The following FBF1 variants were observed in gnomAD, a reference collection of about 807,000 sequenced individuals.
The protein encoded by FBF1 is Fas binding factor 1.
Under a neutral mutation model 147.2 loss-of-function variants are expected in FBF1, and 119 were observed. That is an observed-to-expected ratio of 0.81 (90% CI 0.70 to 0.94). The LOEUF is 0.94. FBF1 is among the 40% of genes least tolerant of loss of function. FBF1 has a pLI of 0.00. For missense variants in FBF1, 1,449 were observed against 1,500.8 expected, an observed-to-expected ratio of 0.97 and a Z score of 0.57; for synonymous variants, 601 against 609.0, an observed-to-expected ratio of 0.99 and a Z score of 0.19.
At position 75,937,572 on chromosome 17, in the gene FBF1, A is replaced by G. The variant is rs772342687; in HGVS notation, c.25T>C (p.Cys9Arg). The change falls in exon 3 of 30, where the codon TGT (cysteine) becomes CGT (arginine). Residue 9 changes from cysteine to arginine, a missense_variant. Cys to Arg is a radical substitution (Grantham distance 180). Transcript: ENST00000636174. MAPKTKKG[C>R]KGSIDDFLGD... ...GTTCCATCTCTCCACTCACCTTTACATCCTTTCTTGGTTTTTGGTGCCTAA... is the reference window on the plus strand; with the variant it reads ...GTTCCATCTCTCCACTCACCTTTACGTCCTTTCTTGGTTTTTGGTGCCTAA... 2 of 1,613,978 alleles carry G rather than the reference A, an allele frequency of 1.2e-6. No individual in the cohort carries two copies. The highest frequency in any genetic ancestry group is 3.3e-5 in the Admixed American group (2 of 60,012).
chr17:75,927,978 T>C (rs1011905813), intron 8 of FBF1, 98 bp downstream of exon 8: 3 of 969,216 alleles, frequency 3.1e-6, no homozygotes, highest in Admixed American at 2.5e-5. Flanking sequence ...CCCAAGGACA[T>C]GAACGCTTCC....
In FBF1 at chr17:75,933,011, A is replaced by G; in HGVS notation, c.151T>C (p.Ser51Pro). 1 of 1,600,936 alleles carries G rather than the reference A, an allele frequency of 6.2e-7. No homozygotes were observed. The highest frequency in any genetic ancestry group is 8.5e-7 in the Non-Finnish European group (1 of 1,169,666). The part of the protein sequence containing the change: ...TTGVSQMFPS[S>P]KARTKSLLGD... ...TGCCCTTACTTTGTTCTCGCCTTTG[A>G]AGAAGGGAACATCTGAGATACACCT... Residue 51 changes from serine (S) to proline (P), a missense_variant, in exon 5 of 30, where the codon TCA (serine) becomes CCA (proline). Coordinates refer to ENST00000636174, the MANE Select transcript of FBF1 (RefSeq NM_001319193.2).
intron 10 of FBF1, 33 bp downstream of exon 10, chr17:75,926,712 AATAAACTCTTCCT>A: frequency 6.3e-7 from 1 of 1,580,786 alleles, no homozygotes; most frequent in Non-Finnish European, 8.6e-7. Context: ...GCTTGTTGCC[AATAAACTCTTCCT>A]CCAGGATGGG....
rs950954343 is a variant in FBF1, at chr17:75,931,304, C to T, written c.168-15G>A. 9.5e-6 allele frequency: 15 copies of T among 1,575,234 alleles called. No individual in the cohort carries two copies. Among genetic ancestry groups the T allele is most frequent in the African/African-American group, 1.4e-5 (1 of 74,030 alleles). On this transcript the variant is annotated splice_polypyrimidine_tract_variant and intron_variant, in intron 5 of 29. Coordinates refer to ENST00000636174, the MANE Select transcript of FBF1 (RefSeq NM_001319193.2). ...CCAGGAGGGACCTGCAAAGGGGAGG[C>T]GTCAGCCCCTACCTGCATCCCAGGG...
rs1302425858 is a variant in FBF1, at chr17:75,910,329, C to T, written c.*394G>A. On this transcript the variant is annotated 3_prime_UTR_variant, in exon 30 of 30. Transcript: ENST00000636174. This position sits in a 1 kb window ranked among gnomAD's most constrained non-coding sequence, Gnocchi z 4.1. Reference sequence around the variant, plus strand: ...CTGTTTGTGGCATCCCTCAAGAAAGCTCCTGCCTCAGAAGAGGCCCAGGCA... The same window carrying T: ...CTGTTTGTGGCATCCCTCAAGAAAGTTCCTGCCTCAGAAGAGGCCCAGGCA... 3.1e-6 allele frequency: 1 copy of T among 319,452 alleles called. No homozygotes were observed. The highest frequency in any genetic ancestry group is 7.5e-5 in the East Asian group (1 of 13,352). The allele number at this position is 319,452 out of a possible 1,614,324, so 19.8% of individuals were successfully genotyped here.
intron 8 of FBF1, 66 bp from the exon 9 acceptor site, chr17:75,927,598 C>T: frequency 6.8e-7 from 1 of 1,463,090 alleles, no homozygotes; most frequent in Non-Finnish European, 9.4e-7. Flanking sequence ...CCTCCCATAT[C>T]ATGGACTGGG....
Position 75,923,192 on chromosome 17 carries a change from G to A in FBF1, c.1418C>T (p.Ser473Phe). 6.3e-7 allele frequency: 1 copy of A among 1,581,330 alleles called. No individual in the cohort carries two copies. Among genetic ancestry groups the A allele is most frequent in the Non-Finnish European group, 8.6e-7 (1 of 1,164,318 alleles). The change falls in exon 14 of 30, where the codon TCT (serine) becomes TTT (phenylalanine). Residue 473 changes from serine (S) to phenylalanine (F), a missense_variant. Transcript: ENST00000636174. The surrounding 1 kb of genome is among the most constrained non-coding windows in gnomAD (Gnocchi z 4.1). ...CAGCAGCCTAAGTCAGTACCTGCCA[G>A]AAGGGGGATGGCCCGCTGTCCCCGC... ...HLAGTAGHPP[S>F]GSQPLTSTQG...
Position 75,917,808 on chromosome 17 carries a change from TC to T in FBF1, c.2428del (p.Glu810ArgfsTer17). The T allele has an allele frequency of 6.2e-7, 1 of 1,609,046 alleles. No individual in the cohort carries two copies. The highest frequency in any genetic ancestry group is 1.1e-5 in the South Asian group (1 of 90,274). On this transcript the variant is annotated frameshift_variant, in exon 23 of 30. Transcript: ENST00000636174. LOFTEE classifies it high-confidence loss of function. ...RLGQQQRDME[E>X]ERSRQQEVIG... is the part of the protein sequence containing the mutation. ...GACCTCCTGTTGCCGGCTCCGCTCC[TC>T]CTCCATGTCCCGCTGCTGCTGGCCC...
Position 75,914,122 on chromosome 17 carries a change from C to T in FBF1, c.2991G>A (p.Lys997=). 1 of 1,600,056 alleles carries T rather than the reference C, an allele frequency of 6.2e-7. No homozygotes were observed. The highest frequency in any genetic ancestry group is 8.5e-7 in the Non-Finnish European group (1 of 1,176,662). ...CCACGCCCATGTGCCCGAGCAGCACCTTGCTCATGCTCTCCACCTCCTCGG... is the reference window on the plus strand; with the variant it reads ...CCACGCCCATGTGCCCGAGCAGCACTTTGCTCATGCTCTCCACCTCCTCGG... ...LRAEEVESMS[K]VASEKYEEGE... Residue 997 remains lysine (K), a splice_region_variant and synonymous_variant, in exon 26 of 30, where the codon AAG becomes AAA. Coordinates refer to ENST00000636174, the MANE Select transcript of FBF1 (RefSeq NM_001319193.2).
chr17:75,932,258 T>C (rs886902736), intron 5 of FBF1, among the ~76,000 whole-genome samples: 3 of 152,022 alleles, frequency 2.0e-5, no homozygotes, highest in Non-Finnish European at 2.9e-5. Flanking sequence ...GTGCCTGTAA[T>C]CCCAACTGCG....
chr17:75,916,318 TA>T lies in FBF1; in HGVS notation c.2506-1180del, dbSNP rs567156626. ...CTGAGTGACAGTGAGACCCCATCTC[TA>T]AAAAAAATTTTTTTTTTTGGCCAGG... On this transcript the variant is annotated intron_variant, in intron 23 of 29. Coordinates refer to ENST00000636174, the MANE Select transcript of FBF1 (RefSeq NM_001319193.2). 6.0e-3 allele frequency among the ~76,000 whole-genome samples: 795 copies of T among 132,508 alleles called. 4 individuals are homozygous for T. Among genetic ancestry groups the T allele is most frequent in the African/African-American group, 0.021 (752 of 35,460 alleles). The allele number at this position is 132,508 out of a possible 152,430, so 86.9% of individuals were successfully genotyped here.
intron 5 of FBF1, 84 bp downstream of exon 5, chr17:75,932,911 G>A: frequency 1.3e-6 from 1 of 785,006 alleles, no homozygotes; most frequent in Non-Finnish European, 1.9e-6. Flanking sequence ...GCGAGCAAAT[G>A]TGAAGTAGAA....
At chr17:75,931,342 C>A in intron 5 of FBF1, 53 bp from the exon 6 acceptor site, 1 of 1,498,320 alleles carries the variant, frequency 6.7e-7, no homozygotes. Flanking sequence ...CTGGATGACT[C>A]TAAAAAGGGG....
chr17:75,933,475 G>C (rs1422241088), intron 4 of FBF1, among the ~76,000 whole-genome samples: 1 of 152,184 alleles, frequency 6.6e-6, no homozygotes, highest in African/African-American at 2.4e-5. Context: ...AGTAGGCTGA[G>C]GCAGGAGAAT....
At chr17:75,939,790 C>T (rs189299518) in intron 1 of FBF1, 3 of 152,166 alleles carry the variant, frequency 2.0e-5, no homozygotes, top group African/African-American at 7.2e-5. Flanking sequence ...CTGTCTCCCT[C>T]CCCCTCCTCC....
chr17:75,936,021 C>CA lies in FBF1; in HGVS notation c.32-349dup, dbSNP rs1048713054. The stretch of plus-strand genomic sequence containing the variant: ...CAAAACCCTGTCTTTACTAAAAATA[C>CA]AAAAAAAATGGCTGGGCGCGGTGGC... On this transcript the variant is annotated intron_variant, in intron 3 of 29. Coordinates refer to ENST00000636174, the MANE Select transcript of FBF1 (RefSeq NM_001319193.2). 1.3e-4 allele frequency among the ~76,000 whole-genome samples: 18 copies of CA among 142,826 alleles called. No individual in the cohort carries two copies. The East Asian group carries it at 2.1e-3, about 16-fold the overall frequency. The allele number at this position is 142,826 out of a possible 152,430, so 93.7% of individuals were successfully genotyped here.
In FBF1 at chr17:75,925,448, T is replaced by C. The variant is rs770812526; in HGVS notation, c.869-2A>G. Reference sequence around the variant, plus strand: ...CGTCACCCCACATATCTTCACTGTCTGTGAATTAAGGAGCCTGTGACCGTG... The same window carrying C: ...CGTCACCCCACATATCTTCACTGTCCGTGAATTAAGGAGCCTGTGACCGTG... On this transcript the variant is annotated splice_acceptor_variant, in intron 12 of 29. Coordinates refer to ENST00000636174, the MANE Select transcript of FBF1 (RefSeq NM_001319193.2). LOFTEE classifies it high-confidence loss of function. The surrounding 1 kb of genome is among the most constrained non-coding windows in gnomAD (Gnocchi z 5.0). The C allele has an allele frequency of 7.4e-6, 12 of 1,612,252 alleles. No homozygotes were observed. In the African/African-American group the frequency reaches 1.6e-4, roughly 22 times the overall value.
Position 75,923,752 on chromosome 17 carries a change from A to T in FBF1, c.969-111T>A. 9.1e-7 allele frequency: 1 copy of T among 1,103,800 alleles called. No individual in the cohort carries two copies. The highest frequency in any genetic ancestry group is 1.3e-6 in the Non-Finnish European group (1 of 791,334). The allele number at this position is 1,103,800 out of a possible 1,614,324, so 68.4% of individuals were successfully genotyped here. On this transcript the variant is annotated intron_variant, in intron 13 of 29. Coordinates refer to ENST00000636174, the MANE Select transcript of FBF1 (RefSeq NM_001319193.2). This position sits in a 1 kb window ranked among gnomAD's most constrained non-coding sequence, Gnocchi z 4.1. ...CCCAGGGACCCTGCACAGTCAGCTG[A>T]GGCCCAGTGAGCAGTGGCTCCTGGA...
At chr17:75,914,996 G>A (rs1310403251) in intron 24 of FBF1, 21 bp downstream of exon 24, 2 of 1,612,894 alleles carry the variant, frequency 1.2e-6, no homozygotes, top group East Asian at 2.2e-5. Flanking sequence ...GGCAGGGGCT[G>A]AGTGCGGTGG....
Sources: gnomAD v4.1 joint callset for allele counts (sites outside exome capture counted in the v4.1 genomes callset) on GRCh38, gnomAD v4.1.1 for gene constraint, Gnocchi (gnomAD v3.1) non-coding constraint, MANE v1.5 for transcripts, NCBI Gene and HGNC (gene_info 2026-07-23, HGNC 2026-07-21) for gene names.